The following TBL1XR1 variants were observed in gnomAD, a reference collection of about 807,000 sequenced individuals.
TBL1XR1 encodes the protein TBL1X/Y related 1, also known as F-box-like/WD repeat-containing protein TBL1XR1.
In TBL1XR1, 5 loss-of-function variants were observed where a neutral mutation model predicts 66.9. The ratio of observed to expected loss-of-function variants is 0.07; its 90% CI spans 0.04 to 0.16. The LOEUF (loss-of-function observed/expected upper bound fraction) is 0.16. Among genes scored for constraint, TBL1XR1 ranks in the 10% least tolerant of loss-of-function variants. The pLI is 1.00. For synonymous variants in TBL1XR1, 210 were observed against 206.0 expected (o/e 1.02, Z -0.17); for missense variants, 238 against 623.2 (o/e 0.38, Z 6.58).
chr3:177,118,641 A>G (rs1020931297), intron 1 of TBL1XR1, among the ~76,000 whole-genome samples: 6 of 152,216 alleles, frequency 3.9e-5, no homozygotes, highest in Non-Finnish European at 1.5e-5. Context: ...ATAGTTCTTC[A>G]TTCATTTAAT....
At chr3:177,057,642 T>C (rs951513964) in intron 3 of TBL1XR1, among the ~76,000 whole-genome samples, 3 of 152,144 alleles carry the variant, frequency 2.0e-5, no homozygotes, top group Non-Finnish European at 4.4e-5. Flanking sequence ...AGAAAAAGGC[T>C]TTTTCCAGGG....
At chr3:177,052,029 T>C (rs563749924) in intron 4 of TBL1XR1, among the ~76,000 whole-genome samples, 4 of 152,312 alleles carry the variant, frequency 2.6e-5, no homozygotes, top group African/African-American at 9.6e-5. Context: ...GCTTATTAAT[T>C]AGATTCTGAA....
chr3:177,084,693 T>C lies in TBL1XR1; in HGVS notation c.-46+13773A>G, dbSNP rs144762534. Among the ~76,000 whole-genome samples, 19 of 152,350 alleles carry C rather than the reference T, an allele frequency of 1.2e-4. No homozygotes were observed. In the East Asian group the frequency reaches 3.5e-3, roughly 28 times the overall value. On this transcript the variant is annotated intron_variant, in intron 2 of 15. Transcript: ENST00000457928. ...CCTCCTTTCCTGTGCTGGACCCCATTACTCTGCAGTGCAATGTTAGTTCTG... is the reference window on the plus strand; with the variant it reads ...CCTCCTTTCCTGTGCTGGACCCCATCACTCTGCAGTGCAATGTTAGTTCTG...
chr3:177,054,073 T>TGTGTGCGCGC (rs145838308), intron 3 of TBL1XR1, among the ~76,000 whole-genome samples, 155 bp from the exon 4 acceptor site: 3 of 124,816 alleles, frequency 2.4e-5, no homozygotes, highest in African/African-American at 8.8e-5. Flanking sequence ...TGTGTGTGTG[T>TGTGTGCGCGC]GCGCGCGCGT....
upstream of TBL1XR1, among the ~76,000 whole-genome samples, chr3:177,200,122 A>C (rs1284885448): frequency 6.6e-6 from 1 of 151,868 alleles, no homozygotes; most frequent in Non-Finnish European, 1.5e-5. Context: ...ACAGGCATGC[A>C]CCACCACGCC....
At chr3:177,134,411 A>G (rs1426741419) in intron 1 of TBL1XR1, among the ~76,000 whole-genome samples, 1 of 152,176 alleles carries the variant, frequency 6.6e-6, no homozygotes, top group Non-Finnish European at 1.5e-5. Context: ...GCAGAACACT[A>G]GACTTGGAAG....
intron 1 of TBL1XR1, among the ~76,000 whole-genome samples, chr3:177,104,460 T>C (rs569155982): frequency 6.6e-6 from 1 of 152,154 alleles, no homozygotes; most frequent in African/African-American, 2.4e-5. Flanking sequence ...CGATCCTCAT[T>C]TCCCATGGAA....
At chr3:177,095,352 T>C (rs1328139703) in intron 2 of TBL1XR1, among the ~76,000 whole-genome samples, 2 of 151,740 alleles carry the variant, frequency 1.3e-5, no homozygotes, top group Non-Finnish European at 2.9e-5. Context: ...TCTCAAAAAA[T>C]AATAAATAAA....
At chr3:177,045,066 A>G (rs1002410865) in intron 10 of TBL1XR1, 10 of 152,188 alleles carry the variant, frequency 6.6e-5, no homozygotes, top group African/African-American at 2.2e-4. Context: ...TTGCAAACTT[A>G]TTCAGATACT....
intron 1 of TBL1XR1, among the ~76,000 whole-genome samples, chr3:177,160,473 C>CAAAA (rs11303033): frequency 8.5e-6 from 1 of 117,144 alleles, no homozygotes; most frequent in Admixed American, 8.7e-5. Flanking sequence ...GACTCTGTCT[C>CAAAA]AAAAAAAAAA....
At chr3:177,138,194 T>C (rs1729218203) in intron 1 of TBL1XR1, among the ~76,000 whole-genome samples, 1 of 152,194 alleles carries the variant, frequency 6.6e-6, no homozygotes, top group Non-Finnish European at 1.5e-5. Flanking sequence ...GGGCACTGCA[T>C]TACCCACATT....
At chr3:177,030,553 A>G (rs1024856699) in intron 14 of TBL1XR1, among the ~76,000 whole-genome samples, 2 of 152,126 alleles carry the variant, frequency 1.3e-5, no homozygotes, top group Non-Finnish European at 2.9e-5. Flanking sequence ...GGAAGAGGAA[A>G]ATGGAGGTGA....
intron 1 of TBL1XR1, among the ~76,000 whole-genome samples, chr3:177,122,992 A>G (rs1001383507): frequency 3.9e-5 from 6 of 152,122 alleles, no homozygotes; most frequent in Non-Finnish European, 5.9e-5. Context: ...AAACATCATG[A>G]GCAATATTCT....
At chr3:177,052,136 TA>T (rs1157418317) in intron 4 of TBL1XR1, among the ~76,000 whole-genome samples, 1 of 152,222 alleles carries the variant, frequency 6.6e-6, no homozygotes, top group African/African-American at 2.4e-5. Context: ...TTTAAAAAAC[TA>T]AAAACTTTGA....
At chr3:177,101,332 G>C (rs939565619) in intron 1 of TBL1XR1, among the ~76,000 whole-genome samples, 1 of 151,958 alleles carries the variant, frequency 6.6e-6, no homozygotes, top group African/African-American at 2.4e-5. Context: ...GTTTTGGTGA[G>C]GCTTGGTTAA....
At chr3:177,101,118 A>T (rs1205383283) in intron 1 of TBL1XR1, among the ~76,000 whole-genome samples, 1 of 152,134 alleles carries the variant, frequency 6.6e-6, no homozygotes, top group Admixed American at 6.5e-5. Context: ...CAGCCTCCCA[A>T]ACTGCTGGGA....
At chr3:177,181,621 G>A (rs756784465) in intron 1 of TBL1XR1, among the ~76,000 whole-genome samples, 18 of 151,986 alleles carry the variant, frequency 1.2e-4, no homozygotes, top group Non-Finnish European at 2.4e-4. Flanking sequence ...AACCAATCTG[G>A]GCCACAGAAT....
chr3:177,120,619 T>C (rs893497088), intron 1 of TBL1XR1: 2 of 152,204 alleles, frequency 1.3e-5, no homozygotes, highest in Non-Finnish European at 2.9e-5. Flanking sequence ...CGTGCAATCT[T>C]TTCCACTCAA....
intron 1 of TBL1XR1, among the ~76,000 whole-genome samples, chr3:177,122,802 C>A: frequency 6.6e-6 from 1 of 152,126 alleles, no homozygotes; most frequent in Non-Finnish European, 1.5e-5. Context: ...GTTTCAGGCT[C>A]ATCCACAAAT....
Sources: allele counts gnomAD v4.1 joint callset (sites outside exome capture counted in the v4.1 genomes callset), GRCh38; gene constraint gnomAD v4.1.1; transcripts MANE v1.5; gene names NCBI Gene and HGNC (gene_info 2026-07-23, HGNC 2026-07-21).